PDE8A: variants seen among roughly 807,000 people sequenced by gnomAD.
PDE8A encodes the protein phosphodiesterase 8A, also known as high affinity cAMP-specific and IBMX-insensitive 3',5'-cyclic phosphodiesterase 8A.
In PDE8A, 59 loss-of-function variants were observed where a neutral mutation model predicts 105.0. The observed-to-expected ratio is 0.56, with a 90% confidence interval of 0.46 to 0.70. The LOEUF is 0.70. Among genes scored for constraint, PDE8A ranks in the 30% least tolerant of loss-of-function variants. PDE8A has a pLI of 0.00. For missense variants in PDE8A, 1,014 were observed against 1,045.9 expected, an observed-to-expected ratio of 0.97 and a Z score of 0.42; for synonymous variants, 355 against 371.9, an observed-to-expected ratio of 0.95 and a Z score of 0.52.
At chr15:85,016,395 C>T (rs1351575359) in intron 1 of PDE8A, among the ~76,000 whole-genome samples, 1 of 151,740 alleles carries the variant, frequency 6.6e-6, no homozygotes, top group Admixed American at 6.6e-5. Context: ...TCTTTTTTTC[C>T]ATATGGCTAT....
intron 1 of PDE8A, among the ~76,000 whole-genome samples, chr15:85,037,316 C>T (rs4296226): frequency 0.43 from 65,078 of 152,006 alleles, 15,176 homozygotes; most frequent in East Asian, 0.55. Flanking sequence ...CTGCCCGCCT[C>T]TGCCTCCCGA....
chr15:85,120,034 T>C (rs1283272908), intron 17 of PDE8A, among the ~76,000 whole-genome samples: 1 of 151,590 alleles, frequency 6.6e-6, no homozygotes, highest in Non-Finnish European at 1.5e-5. Context: ...AATATACAAA[T>C]TTACAGCAGA....
rs369580260 is a variant in PDE8A, at chr15:85,126,197, C to T, written c.2086-10C>T. 6.3e-7 allele frequency: 1 copy of T among 1,599,358 alleles called. No individual in the cohort carries two copies. ...CATTTTGATTGCTTTGAATTCCACTCATGTTTCAGGAAACTGATAAAAACC... is the reference window on the plus strand; with the variant it reads ...CATTTTGATTGCTTTGAATTCCACTTATGTTTCAGGAAACTGATAAAAACC... On this transcript the variant is annotated splice_polypyrimidine_tract_variant and intron_variant, in intron 19 of 21. Transcript: ENST00000394553.
At chr15:85,100,844 C>T (rs1450036571) in intron 11 of PDE8A, among the ~76,000 whole-genome samples, 1 of 152,182 alleles carries the variant, frequency 6.6e-6, no homozygotes, top group Non-Finnish European at 1.5e-5. Flanking sequence ...CTTGGCGTGC[C>T]ACCCTGCCTT....
chr15:85,018,213 G>A (rs2080361103), intron 1 of PDE8A, among the ~76,000 whole-genome samples: 1 of 152,136 alleles, frequency 6.6e-6, no homozygotes. Flanking sequence ...GCAAACTTGG[G>A]ATATATTTTG....
intron 12 of PDE8A, among the ~76,000 whole-genome samples, chr15:85,110,682 C>T (rs2082008824): frequency 1.3e-5 from 2 of 152,176 alleles, no homozygotes; most frequent in African/African-American, 2.4e-5. Context: ...TTTGTGTGCA[C>T]ATCTTCTTCT....
At chr15:85,117,196 A>G (rs1180636417) in intron 16 of PDE8A, among the ~76,000 whole-genome samples, 2 of 152,184 alleles carry the variant, frequency 1.3e-5, no homozygotes, top group East Asian at 1.9e-4. Flanking sequence ...GGCTTATATG[A>G]CATTTTCAGG....
At chr15:85,062,100 G>C (rs899351721) in intron 1 of PDE8A, among the ~76,000 whole-genome samples, 4 of 152,074 alleles carry the variant, frequency 2.6e-5, no homozygotes, top group African/African-American at 7.2e-5. Flanking sequence ...ATCTTTCAGG[G>C]ATGGTTGCTG....
intron 20 of PDE8A, among the ~76,000 whole-genome samples, chr15:85,134,244 C>T (rs1396818088): frequency 6.6e-6 from 1 of 152,222 alleles, no homozygotes; most frequent in African/African-American, 2.4e-5. Flanking sequence ...AGAACAGCCT[C>T]TGGATGACTG....
Position 85,064,401 on chromosome 15 carries a change from T to C in PDE8A, c.218T>C (p.Met73Thr). ...VAVADVQFGP[M>T]RFHQDQLQVL... ...GTAGCTGATGTGCAGTTTGGCCCCA[T>C]GAGATTTCATCAAGATCAACTTCAG... is the stretch of plus-strand genomic sequence containing the variant. Residue 73 changes from methionine to threonine, a missense_variant, in exon 2 of 22, where the codon ATG becomes ACG. Coordinates refer to ENST00000394553, the MANE Select transcript of PDE8A (RefSeq NM_002605.3). The C allele has an allele frequency of 1.2e-6, 2 of 1,609,170 alleles. No individual in the cohort carries two copies. The highest frequency in any genetic ancestry group is 1.7e-6 in the Non-Finnish European group (2 of 1,175,650).
intron 20 of PDE8A, among the ~76,000 whole-genome samples, chr15:85,134,739 C>T (rs2082379833): frequency 6.6e-6 from 1 of 152,224 alleles, no homozygotes; most frequent in Non-Finnish European, 1.5e-5. Flanking sequence ...CCTAGGAAAA[C>T]CTCCAGAGGT....
chr15:85,058,640 G>A (rs35127646), intron 1 of PDE8A, among the ~76,000 whole-genome samples: 34,584 of 151,940 alleles, frequency 0.23, 4,259 homozygotes, highest in African/African-American at 0.31. Context: ...TACTTTTTGC[G>A]CTTCTAGGAA....
At chr15:85,127,500 A>C in intron 20 of PDE8A, among the ~76,000 whole-genome samples, 1 of 152,224 alleles carries the variant, frequency 6.6e-6, no homozygotes, top group East Asian at 1.9e-4. Flanking sequence ...CAATATACAA[A>C]AGTGAGTTGT....
At chr15:85,137,775 A>C in intron 21 of PDE8A, 22 bp from the exon 22 acceptor site, 1 of 1,435,906 alleles carries the variant, frequency 7.0e-7, no homozygotes, top group African/African-American at 1.4e-5. Context: ...AAAGCATATC[A>C]CATTCCTATC....
At chr15:85,034,389 G>C (rs1004794444) in intron 1 of PDE8A, among the ~76,000 whole-genome samples, 1 of 152,136 alleles carries the variant, frequency 6.6e-6, no homozygotes, top group Non-Finnish European at 1.5e-5. Context: ...ATGGCAATGA[G>C]TGTTGACCCT....
intron 19 of PDE8A, among the ~76,000 whole-genome samples, chr15:85,123,706 C>T (rs993309605): frequency 6.6e-6 from 1 of 152,144 alleles, no homozygotes; most frequent in African/African-American, 2.4e-5. Flanking sequence ...ACAGAAACAC[C>T]CAGGATCAAT....
At chr15:85,001,868 C>T (rs1236698389) in intron 1 of PDE8A, among the ~76,000 whole-genome samples, 2 of 152,198 alleles carry the variant, frequency 1.3e-5, no homozygotes, top group Admixed American at 6.5e-5. Flanking sequence ...TGACTGTTTA[C>T]TGCATACCAG....
At chr15:85,010,804 T>C (rs961917516) in intron 1 of PDE8A, among the ~76,000 whole-genome samples, 5 of 152,188 alleles carry the variant, frequency 3.3e-5, no homozygotes, top group African/African-American at 1.2e-4. Context: ...AGCCTTAAAG[T>C]ATGACCTGTA....
At chr15:85,086,251 A>G (rs745994998) in intron 6 of PDE8A, among the ~76,000 whole-genome samples, 6 of 152,240 alleles carry the variant, frequency 3.9e-5, no homozygotes, top group Non-Finnish European at 5.9e-5. Context: ...GTGGACATAC[A>G]TAATTGGATG....
Sources: gnomAD v4.1 joint callset for allele counts (sites outside exome capture counted in the v4.1 genomes callset) on GRCh38, gnomAD v4.1.1 for gene constraint, MANE v1.5 for transcripts, NCBI Gene and HGNC (gene_info 2026-07-23, HGNC 2026-07-21) for gene names.